The following GSTO2 variants were observed in gnomAD, a reference collection of about 807,000 sequenced individuals.
The protein encoded by GSTO2 is glutathione S-transferase omega-2.
GSTO2 carries 23 observed loss-of-function variants against 28.4 expected under a neutral mutation model. The observed-to-expected ratio is 0.81, with a 90% CI of 0.58 to 1.15. GSTO2 has a LOEUF of 1.15. GSTO2 is among the 50% of genes most tolerant of loss of function. GSTO2 has a pLI of 0.00. For synonymous variants in GSTO2, 109 were observed against 111.0 expected, an observed-to-expected ratio of 0.98 and a Z score of 0.11; for missense variants, 298 against 297.8, an observed-to-expected ratio of 1.00 and a Z score of 0.00.
chr10:104,285,963 G>A, intron 5 of GSTO2: 1 of 366,054 alleles, frequency 2.7e-6, no homozygotes, highest in Middle Eastern at 5.1e-4. Flanking sequence ...TTTATACCTG[G>A]TTAATTCGTC....
rs1044380732 is a variant in GSTO2, at chr10:104,298,829, A to AAT, written c.576-288_576-287dup. 3.5e-4 allele frequency among the ~76,000 whole-genome samples: 54 copies of AAT among 152,200 alleles called. No homozygotes were observed. The East Asian group carries it at 5.8e-3, about 16-fold the overall frequency. ...CACATGTAAGTTTCTCAAGCTTTAGAATATATATATATTAAAAAACAAAAC... is the reference window on the plus strand; with the variant it reads ...CACATGTAAGTTTCTCAAGCTTTAGAATATATATATATATTAAAAAACAAAAC... On this transcript the variant is annotated intron_variant, in intron 6 of 6. Transcript: ENST00000338595.
At chr10:104,272,362 G>A (rs1388675698) in intron 1 of GSTO2, among the ~76,000 whole-genome samples, 2 of 152,008 alleles carry the variant, frequency 1.3e-5, no homozygotes, top group Non-Finnish European at 2.9e-5. Context: ...GAGACCAGAT[G>A]GCCTGAAAAG....
chr10:104,273,206 A>G (rs17116785), intron 1 of GSTO2, among the ~76,000 whole-genome samples: 11,270 of 152,218 alleles, frequency 0.074, 1,395 homozygotes, highest in African/African-American at 0.26. Flanking sequence ...CCAAAGTAGT[A>G]GAAGTTACTC....
intron 5 of GSTO2, among the ~76,000 whole-genome samples, chr10:104,292,689 C>A (rs1259722637): frequency 1.3e-5 from 2 of 152,176 alleles, no homozygotes; most frequent in Non-Finnish European, 1.5e-5. Context: ...CTCCTGGGCT[C>A]AAGCAGTCTG....
At chr10:104,274,496 T>TG (rs1026037249) in intron 1 of GSTO2, among the ~76,000 whole-genome samples, 189 bp from the exon 2 acceptor site, 4 of 152,026 alleles carry the variant, frequency 2.6e-5, no homozygotes, top group African/African-American at 9.6e-5. Context: ...AGATTCAGAA[T>TG]GGGAAAAAAA....
Position 104,301,212 on chromosome 10 carries a change from T to C in GSTO2, c.*1928T>C, listed in dbSNP as rs916764116. On this transcript the variant is annotated 3_prime_UTR_variant, in exon 7 of 7. Coordinates refer to ENST00000338595, the MANE Select transcript of GSTO2 (RefSeq NM_183239.2). ...CCTGCATGCTAGTGAGTGCTTGTCA[T>C]AAGACCAAAGTTACCACTGATGCAA... is the stretch of plus-strand genomic sequence containing the variant. 1 of 152,226 alleles carries C rather than the reference T, an allele frequency of 6.6e-6. No individual in the cohort carries two copies. Among genetic ancestry groups the C allele is most frequent in the East Asian group, 1.9e-4 (1 of 5,198 alleles). The allele number at this position is 152,226 out of a possible 1,614,324, so 9.4% of individuals were successfully genotyped here.
intron 4 of GSTO2, among the ~76,000 whole-genome samples, chr10:104,278,550 C>T (rs921049459): frequency 2.6e-5 from 4 of 152,200 alleles, no homozygotes; most frequent in African/African-American, 9.6e-5. Context: ...GGCACCATCT[C>T]GGCTCACTGC....
chr10:104,283,750 C>T (rs1220612425), intron 5 of GSTO2, among the ~76,000 whole-genome samples: 1 of 152,196 alleles, frequency 6.6e-6, no homozygotes, highest in East Asian at 1.9e-4. Flanking sequence ...CCAGGAGATT[C>T]TAGTGAAATT....
At chr10:104,295,584 C>T (rs1163243444) in intron 5 of GSTO2, 4 of 152,336 alleles carry the variant, frequency 2.6e-5, no homozygotes, top group African/African-American at 7.2e-5. Flanking sequence ...CTCACCATAA[C>T]CTCCGTGGTG....
chr10:104,295,998 A>G (rs552524235), intron 5 of GSTO2: 12 of 152,342 alleles, frequency 7.9e-5, no homozygotes, highest in African/African-American at 2.9e-4. Flanking sequence ...TGAGTTGATT[A>G]TGAGTTATAT....
Position 104,275,457 on chromosome 10 carries a change from G to A in GSTO2, c.143+123G>A, listed in dbSNP as rs576542861. 1,817 of 797,310 alleles carry A rather than the reference G, an allele frequency of 2.3e-3. 7 individuals carry two copies. Among genetic ancestry groups the A allele is most frequent in the Non-Finnish European group, 3.3e-3 (1,706 of 509,298 alleles). 49.4% of individuals were successfully genotyped at this position (797,310 alleles called of 1,614,324 possible). The stretch of plus-strand genomic sequence containing the variant: ...GGGCTCCCTGTCCCTTTTTTCGGAG[G>A]CAAAGTCAACAAATAGCAAAGGGCG... On this transcript the variant is annotated intron_variant, in intron 3 of 6. Coordinates refer to ENST00000338595, the MANE Select transcript of GSTO2 (RefSeq NM_183239.2).
Position 104,277,942 on chromosome 10 carries a change from T to C in GSTO2, c.192T>C (p.Tyr64=). 1 of 1,614,122 alleles carries C rather than the reference T, an allele frequency of 6.2e-7. No individual in the cohort carries two copies. The highest frequency in any genetic ancestry group is 8.5e-7 in the Non-Finnish European group (1 of 1,179,982). Residue 64 remains tyrosine, a synonymous_variant, in exon 4 of 7, where the codon TAT becomes TAC. Transcript: ENST00000338595. Reference sequence around the variant, plus strand: ...TGAGAAACAAGCCTGAATGGTACTATACAAAGCACCCTTTTGGCCACATTC... The same window carrying C: ...TGAGAAACAAGCCTGAATGGTACTACACAAAGCACCCTTTTGGCCACATTC... ...INLRNKPEWY[Y]TKHPFGHIPV... is the part of the protein sequence containing the mutation.
chr10:104,272,636 C>G (rs1231959533), intron 1 of GSTO2, among the ~76,000 whole-genome samples: 3 of 61,038 alleles, frequency 4.9e-5, no homozygotes, highest in Non-Finnish European at 1.1e-4. Context: ...TTTTTTGAGA[C>G]GGAGTCTCGC....
chr10:104,275,007 C>A, intron 2 of GSTO2, 58 bp downstream of exon 2: 1 of 1,556,724 alleles, frequency 6.4e-7, no homozygotes, highest in Non-Finnish European at 8.7e-7. Context: ...AAAATGTTGG[C>A]TTCGGCGGAG....
At chr10:104,275,559 G>C (rs1163700118) in intron 3 of GSTO2, among the ~76,000 whole-genome samples, 1 of 152,136 alleles carries the variant, frequency 6.6e-6, no homozygotes, top group Non-Finnish European at 1.5e-5. Flanking sequence ...TTCTAGCCCA[G>C]CGCAGAGTAA....
chr10:104,271,272 A>G (rs7897376), intron 1 of GSTO2, among the ~76,000 whole-genome samples: 11,271 of 152,278 alleles, frequency 0.074, 1,395 homozygotes, highest in African/African-American at 0.26. Flanking sequence ...TGAAATAAGT[A>G]TTGTGAGTTG....
rs576844672 is a variant in GSTO2, at chr10:104,281,073, T to G, written c.468+1602T>G. On this transcript the variant is annotated intron_variant, in intron 5 of 6. Coordinates refer to ENST00000338595, the MANE Select transcript of GSTO2 (RefSeq NM_183239.2). The stretch of plus-strand genomic sequence containing the variant: ...TGTTCTGTACCTCTCTGGGCCTTGG[T>G]TTTCCCATGTGTAAAATGAGGGATT... 5.3e-5 allele frequency among the ~76,000 whole-genome samples: 8 copies of G among 152,312 alleles called. No homozygotes were observed. The East Asian group carries it at 1.5e-3, about 29-fold the overall frequency.
intron 5 of GSTO2, among the ~76,000 whole-genome samples, chr10:104,289,407 T>G (rs2012647698): frequency 6.6e-6 from 1 of 152,214 alleles, no homozygotes; most frequent in Non-Finnish European, 1.5e-5. Flanking sequence ...TACAAATATA[T>G]TTTGAAGATA....
chr10:104,272,637 G>T (rs2011471431), intron 1 of GSTO2, among the ~76,000 whole-genome samples: 1 of 70,812 alleles, frequency 1.4e-5, no homozygotes. Context: ...TTTTTGAGAC[G>T]GAGTCTCGCT....
Sources: allele counts gnomAD v4.1 joint callset (sites outside exome capture counted in the v4.1 genomes callset), GRCh38; gene constraint gnomAD v4.1.1; transcripts MANE v1.5; gene names NCBI Gene and HGNC (gene_info 2026-07-23, HGNC 2026-07-21).